Variants in SLC28A1 observed in about 807,000 individuals in gnomAD.
SLC28A1 encodes sodium/nucleoside cotransporter 1.
A neutral mutation model predicts 74.8 loss-of-function variants in SLC28A1; 64 were observed. That is an observed-to-expected ratio of 0.86 (90% CI 0.70 to 1.05). The LOEUF (loss-of-function observed/expected upper bound fraction) is 1.05. SLC28A1 is among the 50% of genes least tolerant of loss of function. SLC28A1 has a pLI of 0.00. For synonymous variants in SLC28A1, 359 were observed against 335.0 expected, an observed-to-expected ratio of 1.07 and a Z score of -0.78; for missense variants, 828 against 822.8, an observed-to-expected ratio of 1.01 and a Z score of -0.08.
At chr15:84,889,737 CTT>C (rs1965115010) in intron 4 of SLC28A1, among the ~76,000 whole-genome samples, 1 of 98,148 alleles carries the variant, frequency 1.0e-5, no homozygotes, top group Non-Finnish European at 2.1e-5. Context: ...TCCTTCCTTC[CTT>C]CCTTCCTTCC....
At chr15:84,925,567 A>G (rs1353014682) in intron 12 of SLC28A1, among the ~76,000 whole-genome samples, 1 of 152,118 alleles carries the variant, frequency 6.6e-6, no homozygotes, top group African/African-American at 2.4e-5. Flanking sequence ...ACCACTGCAC[A>G]GTAGCCTGGG....
intron 9 of SLC28A1, among the ~76,000 whole-genome samples, chr15:84,917,005 G>A (rs1013484194): frequency 7.1e-6 from 1 of 140,994 alleles, no homozygotes; most frequent in African/African-American, 2.6e-5. Flanking sequence ...TCCAGCCTGG[G>A]CAACAGAGTG....
In SLC28A1 at chr15:84,895,407, C is replaced by T. The variant is rs200109727; in HGVS notation, c.461+284C>T. 3.6e-4 allele frequency: 575 copies of T among 1,613,970 alleles called. 4 individuals carry two copies. The East Asian group carries it at 8.8e-3, about 25-fold the overall frequency. On this transcript the variant is annotated intron_variant, in intron 6 of 18. Coordinates refer to ENST00000394573, the MANE Select transcript of SLC28A1 (RefSeq NM_004213.5). ...CCCAGGCCATGGAGCAAGGAGGGCC[C>T]GAATCAGTACCTCCCTCAGATCACC...
intron 8 of SLC28A1, among the ~76,000 whole-genome samples, chr15:84,906,573 T>TCTCTTGCTTC (rs1567140749): frequency 1.8e-4 from 18 of 98,062 alleles, no homozygotes; most frequent in South Asian, 3.9e-4. Flanking sequence ...TCTCTTTCTT[T>TCTCTTGCTTC]CTTCCTTCCT....
At chr15:84,902,167 A>G (rs543525957) in intron 6 of SLC28A1, among the ~76,000 whole-genome samples, 21 of 152,314 alleles carry the variant, frequency 1.4e-4, no homozygotes, top group African/African-American at 4.8e-4. Context: ...TTTTTTAAAA[A>G]TTTATATAAA....
At chr15:84,943,116 G>A (rs1310292018) in intron 15 of SLC28A1, among the ~76,000 whole-genome samples, 1 of 152,154 alleles carries the variant, frequency 6.6e-6, no homozygotes, top group Non-Finnish European at 1.5e-5. Context: ...AACCCAGGAG[G>A]CACAGGTTGC....
chr15:84,888,794 G>A lies in SLC28A1; in HGVS notation c.119G>A (p.Ser40Asn), dbSNP rs1222974095. ...ESLEEGQLPR[S>N]DLSPAEIRSS... Reference sequence around the variant, plus strand: ...TAGGAGGAAGGCCAGCTCCCTAGGAGTGACTTGAGCCCCGCAGAGATCAGG... The same window carrying A: ...TAGGAGGAAGGCCAGCTCCCTAGGAATGACTTGAGCCCCGCAGAGATCAGG... The change falls in exon 4 of 19, where the codon AGT becomes AAT. Residue 40 changes from serine (S) to asparagine (N), a missense_variant. By Grantham distance (46) the Ser-to-Asn change is conservative. This residue lies in a region of SLC28A1 where 767 missense variants were observed against 753.5 expected (regional missense o/e 1.02). Transcript: ENST00000394573. The A allele has an allele frequency of 3.9e-6, 6 of 1,554,314 alleles. No homozygotes were observed. The highest frequency in any genetic ancestry group is 1.9e-5 in the Admixed American group (1 of 51,396).
chr15:84,946,112 A>ATTTTTTTTTTTTTTTTT, downstream of SLC28A1, among the ~76,000 whole-genome samples: 1 of 13,476 alleles, frequency 7.4e-5, no homozygotes, highest in Non-Finnish European at 1.2e-4. Context: ...ATATATATAT[A>ATTTTTTTTTTTTTTTTT]TTTTTTTTTT....
chr15:84,895,290 C>T, intron 6 of SLC28A1, 167 bp downstream of exon 6: 1 of 1,595,938 alleles, frequency 6.3e-7, no homozygotes. Flanking sequence ...AAAGCAGCAT[C>T]TTTGTGGTGT....
the SLC28A1 span, among the ~76,000 whole-genome samples, chr15:84,967,162 G>C: frequency 6.6e-6 from 1 of 152,170 alleles, no homozygotes; most frequent in African/African-American, 2.4e-5. Context: ...AGAGAAACAG[G>C]TCTAAAGCCT....
At chr15:84,953,514 G>C in the SLC28A1 span, among the ~76,000 whole-genome samples, 2 of 152,130 alleles carry the variant, frequency 1.3e-5, no homozygotes, top group African/African-American at 4.8e-5. Context: ...AGATTGCTTT[G>C]AGCCCATGAG....
the SLC28A1 span, among the ~76,000 whole-genome samples, chr15:84,951,851 G>A: frequency 6.6e-6 from 1 of 152,088 alleles, no homozygotes; most frequent in African/African-American, 2.4e-5. Context: ...ATACATATCC[G>A]AGGGGAAGTG....
chr15:84,920,893 G>T, intron 10 of SLC28A1, 96 bp from the exon 11 acceptor site: 5 of 947,738 alleles, frequency 5.3e-6, no homozygotes, highest in Admixed American at 3.4e-5. Context: ...TGGGCTGGGA[G>T]TTGGGAGGAA....
At chr15:84,903,578 C>T (rs1185550981) in intron 6 of SLC28A1, among the ~76,000 whole-genome samples, 1 of 152,168 alleles carries the variant, frequency 6.6e-6, no homozygotes, top group East Asian at 1.9e-4. Context: ...GGAAGTGTTG[C>T]TGTTAAGGTA....
chr15:84,887,877 G>A, intron 3 of SLC28A1, 21 bp downstream of exon 3: 1 of 1,567,574 alleles, frequency 6.4e-7, no homozygotes, highest in South Asian at 1.1e-5. Context: ...TTCCCCATCA[G>A]TCATCCTGAC....
intron 6 of SLC28A1, chr15:84,895,707 A>C: frequency 7.3e-7 from 1 of 1,366,124 alleles, no homozygotes; most frequent in East Asian, 2.8e-5. Context: ...GCAGCTCTAA[A>C]TTTATGTGTT....
At chr15:84,935,298 C>T (rs369297232) in intron 14 of SLC28A1, 23 bp from the exon 15 acceptor site, 1 of 1,613,924 alleles carries the variant, frequency 6.2e-7, no homozygotes, top group Non-Finnish European at 8.5e-7. Flanking sequence ...CCCTCGGTGC[C>T]AGCCATACCG....
chr15:84,964,925 A>G, the SLC28A1 span, among the ~76,000 whole-genome samples: 28,789 of 152,096 alleles, frequency 0.19, 3,633 homozygotes, highest in African/African-American at 0.34. Context: ...AGCAGGAGGG[A>G]ATGATTGATG....
chr15:84,935,951 G>GTTTTTTTTT (rs1262653065), intron 15 of SLC28A1, among the ~76,000 whole-genome samples: 3 of 38,764 alleles, frequency 7.7e-5, no homozygotes, highest in Admixed American at 4.2e-4. Flanking sequence ...TTTGGTTTTT[G>GTTTTTTTTT]TTTTTTTTTT....
Sources: allele counts gnomAD v4.1 joint callset (sites outside exome capture counted in the v4.1 genomes callset), GRCh38; gene constraint gnomAD v4.1.1; regional missense constraint gnomAD v4.1.1; transcripts MANE v1.5; gene names NCBI Gene and HGNC (gene_info 2026-07-23, HGNC 2026-07-21).